DHX38: variants seen among roughly 807,000 people sequenced by gnomAD.
DHX38 encodes the protein DEAH-box helicase 38.
A neutral mutation model predicts 153.1 loss-of-function variants in DHX38; 100 were observed. The ratio of observed to expected loss-of-function variants is 0.65; its 90% CI spans 0.56 to 0.77. The LOEUF (loss-of-function observed/expected upper bound fraction) is 0.77. Ranked by LOEUF, DHX38 falls within the 30% of genes least tolerant of loss-of-function variation. The pLI, the probability that DHX38 is intolerant of heterozygous loss-of-function variation, is 0.00. For synonymous variants in DHX38, 650 were observed against 631.7 expected (o/e 1.03, Z -0.43); for missense variants, 1,440 against 1,654.0 (o/e 0.87, Z 2.24).
intron 12 of DHX38, among the ~76,000 whole-genome samples, 162 bp downstream of exon 12, chr16:72,103,373 C>T (rs1194702535): frequency 2.0e-5 from 3 of 152,214 alleles, no homozygotes; most frequent in Non-Finnish European, 2.9e-5. Flanking sequence ...CACAAAGTAA[C>T]GGGATGGCAC....
intron 10 of DHX38, 98 bp downstream of exon 10, chr16:72,101,291 G>A: frequency 7.3e-7 from 1 of 1,377,036 alleles, no homozygotes; most frequent in South Asian, 1.3e-5. Flanking sequence ...GAAGTTAGGA[G>A]TCCCCTCTAT....
rs2042147549 is a variant in DHX38, at chr16:72,104,609, G to A, written c.2134G>A (p.Asp712Asn). ...FHIPGRTFPV[D>N]ILFSKTPQED... is the part of the protein sequence containing the mutation. ...CATCCCTGGCCGTACCTTCCCTGTT[G>A]ACATCCTCTTCAGCAAGGTATTGAG... Residue 712 changes from aspartate (D) to asparagine (N), a missense_variant, in exon 15 of 27, where the codon GAC (aspartate) becomes AAC (asparagine). By Grantham distance (23) the Asp-to-Asn change is conservative. Coordinates refer to ENST00000268482, the MANE Select transcript of DHX38 (RefSeq NM_014003.4). This position sits in a 1 kb window ranked among gnomAD's most constrained non-coding sequence, Gnocchi z 4.5. 1 of 1,614,124 alleles carries A rather than the reference G, an allele frequency of 6.2e-7. No homozygotes were observed. The highest frequency in any genetic ancestry group is 8.5e-7 in the Non-Finnish European group (1 of 1,180,024).
chr16:72,110,912 A>C (rs1597450333), intron 25 of DHX38, 44 bp from the exon 26 acceptor site: 8 of 1,534,816 alleles, frequency 5.2e-6, no homozygotes, highest in Non-Finnish European at 7.0e-6. Flanking sequence ...CTCCTTCCTT[A>C]GTGGTCCCCA....
intron 11 of DHX38, 71 bp downstream of exon 11, chr16:72,101,683 G>T: frequency 1.5e-6 from 2 of 1,290,772 alleles, no homozygotes; most frequent in South Asian, 2.6e-5. Flanking sequence ...AGTTGCGGCA[G>T]AACCCATCGA....
In DHX38 at chr16:72,110,979, G is replaced by A. The variant is rs781332998; in HGVS notation, c.3501G>A (p.Glu1167=). 145 of 1,587,204 alleles carry A rather than the reference G, an allele frequency of 9.1e-5. No individual in the cohort carries two copies. The highest frequency in any genetic ancestry group is 3.3e-4 in the Middle Eastern group (2 of 6,030). The change falls in exon 26 of 27, where the codon GAG becomes GAA. Residue 1167 remains glutamate (E), a synonymous_variant. Transcript: ENST00000268482. ...AGGAGAACCGTCGTCGGGCCAAAGA[G>A]GAAGCCTCTGCCATGGAGGAGGAGA... is the stretch of plus-strand genomic sequence containing the variant. ...SRQENRRRAK[E]EASAMEEEMA...
intron 7 of DHX38, 94 bp from the exon 8 acceptor site, chr16:72,099,638 G>C: frequency 8.6e-6 from 13 of 1,519,004 alleles, no homozygotes; most frequent in Non-Finnish European, 1.2e-5. Flanking sequence ...CTGCAGTAGT[G>C]ACTTCCTACC....
At chr16:72,095,486 T>TA (rs943769590) in intron 1 of DHX38, among the ~76,000 whole-genome samples, 1 of 152,100 alleles carries the variant, frequency 6.6e-6, no homozygotes, top group African/African-American at 2.4e-5. Context: ...AGAACTCATG[T>TA]AAAAAAATGG....
At position 72,109,509 on chromosome 16, in the gene DHX38, A is replaced by AGGTG. The variant is rs1474216028; in HGVS notation, c.3477_3477+3dup. 1.2e-6 allele frequency: 2 copies of AGGTG among 1,610,858 alleles called. No individual in the cohort carries two copies. Among genetic ancestry groups the AGGTG allele is most frequent in the African/African-American group, 2.7e-5 (2 of 74,760 alleles). ...GTGAAACAGGCGGGCAAGTCACGGC[A>AGGTG]GGTGAGGATTCTGTGCTCTTCGCAG... On this transcript the variant is annotated frameshift_variant and splice_region_variant, in exon 25 of 27. Transcript: ENST00000268482. LOFTEE classifies it high-confidence loss of function.
rs926645335 is a variant in DHX38 at position 72,108,377 on chromosome 16, C to T, written c.3115C>T (p.Arg1039Trp). 7 of 1,613,944 alleles carry T rather than the reference C, an allele frequency of 4.3e-6. No individual in the cohort carries two copies. The highest frequency in any genetic ancestry group is 2.7e-5 in the African/African-American group (2 of 74,882). Reference protein sequence around the residue: ...NDHFIHAKAMRKVREVRAQLK... With the variant: ...NDHFIHAKAMWKVREVRAQLK... ...TCATTTCATCCATGCTAAGGCCATG[C>T]GGAAGGTAGAGTGGTGGATGAGCAG... Residue 1039 changes from arginine to tryptophan, a missense_variant, in exon 22 of 27, where the codon CGG (arginine) becomes TGG (tryptophan). Coordinates refer to ENST00000268482, the MANE Select transcript of DHX38 (RefSeq NM_014003.4).
intron 15 of DHX38, 21 bp from the exon 16 acceptor site, chr16:72,105,004 CTG>C: frequency 6.2e-7 from 1 of 1,610,354 alleles, no homozygotes; most frequent in Middle Eastern, 1.7e-4. Context: ...CTCCCTCTGA[CTG>C]TGTCCCCACT....
In DHX38 at chr16:72,112,891, A is replaced by ATTT. The variant is rs2042277026; in HGVS notation, c.*395_*397dup. On this transcript the variant is annotated 3_prime_UTR_variant, in exon 27 of 27. Transcript: ENST00000268482. ...GTTATAATTCAGGATTTGGAAATAA[A>ATTT]TTTATTATTTGTAAAACATGACTGC... 1 of 695,092 alleles carries ATTT rather than the reference A, an allele frequency of 1.4e-6. No homozygotes were observed. Among genetic ancestry groups the ATTT allele is most frequent in the African/African-American group, 1.8e-5 (1 of 56,830 alleles). The allele number at this position is 695,092 out of a possible 1,614,324, so 43.1% of individuals were successfully genotyped here. A position where few individuals can be genotyped will look rare whatever the true frequency, so the allele number is the denominator to read the frequency against.
chr16:72,112,431 T>A lies in DHX38; in HGVS notation c.3618T>A (p.Thr1206=). The A allele has an allele frequency of 6.2e-7, 1 of 1,610,306 alleles. No homozygotes were observed. The highest frequency in any genetic ancestry group is 1.7e-4 in the Middle Eastern group (1 of 6,060). Residue 1206 remains threonine (T), a synonymous_variant, in exon 27 of 27, where the codon ACT becomes ACA. Coordinates refer to ENST00000268482, the MANE Select transcript of DHX38 (RefSeq NM_014003.4). ...LGSVRSTKIY[T]PGRKEQGEPM... The stretch of plus-strand genomic sequence containing the variant: ...TCTCCAGGTCTACGAAGATCTACAC[T>A]CCAGGCCGGAAAGAGCAAGGGGAGC...
intron 1 of DHX38, among the ~76,000 whole-genome samples, chr16:72,094,741 C>G (rs1376477234): frequency 6.6e-6 from 1 of 152,182 alleles, no homozygotes; most frequent in Non-Finnish European, 1.5e-5. Flanking sequence ...GGTTCCTGTC[C>G]TCCTTTAATA....
intron 19 of DHX38, among the ~76,000 whole-genome samples, 176 bp downstream of exon 19, chr16:72,106,293 T>C (rs2042175946): frequency 6.6e-6 from 1 of 152,038 alleles, no homozygotes; most frequent in Non-Finnish European, 1.5e-5. Flanking sequence ...AAGGAAGGAG[T>C]GGCTTTCCAG....
rs201257449 is a variant in DHX38 at position 72,111,047 on chromosome 16, A to G, written c.3569A>G (p.Gln1190Arg). 1.8e-5 allele frequency: 28 copies of G among 1,573,874 alleles called. No individual in the cohort carries two copies. In the East Asian group the frequency reaches 6.3e-4, roughly 35 times the overall value. Reference sequence around the variant, plus strand: ...CAGCTGCGAGCCCGGCGGCAGGAGCAGGAGAAGCGCAGCCCCCTGGGCAGT... The same window carrying G: ...CAGCTGCGAGCCCGGCGGCAGGAGCGGGAGAAGCGCAGCCCCCTGGGCAGT... ...EEQLRARRQE[Q>R]EKRSPLGSVR... is the part of the protein sequence containing the mutation. The change falls in exon 26 of 27, where the codon CAG becomes CGG. Residue 1190 changes from glutamine (Q) to arginine (R), a missense_variant. Transcript: ENST00000268482.
At chr16:72,110,299 G>A (rs540445482) in intron 25 of DHX38, among the ~76,000 whole-genome samples, 2 of 152,336 alleles carry the variant, frequency 1.3e-5, no homozygotes, top group South Asian at 4.2e-4. Flanking sequence ...GAGTCCAACC[G>A]CTCAATTAGA....
At chr16:72,095,203 G>A (rs980529664) in intron 1 of DHX38, among the ~76,000 whole-genome samples, 5 of 152,230 alleles carry the variant, frequency 3.3e-5, no homozygotes, top group Non-Finnish European at 7.3e-5. Context: ...TGTGTAGTGA[G>A]AGGTAAAGAG....
rs771734588 is a variant in DHX38 at position 72,099,733 on chromosome 16, A to G, written c.962A>G (p.Gln321Arg). 2.5e-6 allele frequency: 4 copies of G among 1,614,028 alleles called. No homozygotes were observed. The East Asian group carries it at 8.9e-5, about 36-fold the overall frequency. ...ERQQWEDDQRQADRDWYMMDE... is the reference protein window; with the variant it reads ...ERQQWEDDQRRADRDWYMMDE... ...CTTGCTTTGCCTCCTGCCCTGCAGCAAGCCGATCGGGATTGGTACATGATG... is the reference window on the plus strand; with the variant it reads ...CTTGCTTTGCCTCCTGCCCTGCAGCGAGCCGATCGGGATTGGTACATGATG... The change falls in exon 8 of 27, where the codon CAA becomes CGA. Residue 321 changes from glutamine (Q) to arginine (R), a missense_variant and splice_region_variant. Coordinates refer to ENST00000268482, the MANE Select transcript of DHX38 (RefSeq NM_014003.4).
Position 72,097,026 on chromosome 16 carries a change from A to C in DHX38, c.511+17A>C. 6.3e-7 allele frequency: 1 copy of C among 1,597,094 alleles called. No individual in the cohort carries two copies. The highest frequency in any genetic ancestry group is 8.5e-7 in the Non-Finnish European group (1 of 1,170,036). ...GGGACAGAGGTAAACTGTCCAGCAC[A>C]GTTCCTATTGTCCATTAGCATTCGA... On this transcript the variant is annotated intron_variant, in intron 3 of 26. Transcript: ENST00000268482.
Sources: gnomAD v4.1 joint callset for allele counts (sites outside exome capture counted in the v4.1 genomes callset) on GRCh38, gnomAD v4.1.1 for gene constraint, Gnocchi (gnomAD v3.1) non-coding constraint, MANE v1.5 for transcripts, NCBI Gene and HGNC (gene_info 2026-07-23, HGNC 2026-07-21) for gene names.